Variants in TTC28 observed in about 807,000 individuals in gnomAD.
TTC28 encodes tetratricopeptide repeat protein 28.
Under a neutral mutation model 198.0 loss-of-function variants are expected in TTC28, and 61 were observed. The observed-to-expected ratio is 0.31, with a 90% CI of 0.25 to 0.38. TTC28 has a LOEUF of 0.38. Among genes scored for constraint, TTC28 ranks in the 10% least tolerant of loss-of-function variants. The probability of loss-of-function intolerance (pLI) is 1.00; values close to 1 mark genes in which losing one functional copy is unlikely to be tolerated. For synonymous variants in TTC28, 1,171 were observed against 1,297.8 expected (o/e 0.90, Z 2.10); for missense variants, 2,678 against 3,164.0 (o/e 0.85, Z 3.69).
chr22:28,373,677 T>C (rs879703140), intron 2 of TTC28, among the ~76,000 whole-genome samples: 1 of 152,162 alleles, frequency 6.6e-6, no homozygotes, highest in Non-Finnish European at 1.5e-5. Flanking sequence ...ATAAGAATAC[T>C]ACAAAATAAC....
At chr22:28,333,450 A>G (rs777829582) in intron 2 of TTC28, among the ~76,000 whole-genome samples, 10 of 152,152 alleles carry the variant, frequency 6.6e-5, no homozygotes, top group Non-Finnish European at 1.3e-4. Flanking sequence ...ATTCAGCTAT[A>G]TATCTCACAT....
chr22:28,611,780 T>C (rs1008122492), intron 2 of TTC28, among the ~76,000 whole-genome samples: 3 of 151,318 alleles, frequency 2.0e-5, no homozygotes, highest in African/African-American at 7.3e-5. Context: ...GTTCTTGCGA[T>C]AGTTTACTGA....
At chr22:28,022,559 G>A (rs1938653385) in intron 13 of TTC28, among the ~76,000 whole-genome samples, 1 of 152,214 alleles carries the variant, frequency 6.6e-6, no homozygotes, top group Non-Finnish European at 1.5e-5. Flanking sequence ...GCAGCTTCCT[G>A]CCTCACAGGC....
intron 2 of TTC28, among the ~76,000 whole-genome samples, chr22:28,342,144 C>T (rs2045842191): frequency 6.6e-6 from 1 of 152,150 alleles, no homozygotes; most frequent in Admixed American, 6.6e-5. Flanking sequence ...CTAATTGATA[C>T]ATGTGGTCTG....
At chr22:28,338,066 T>C (rs2045762801) in intron 2 of TTC28, among the ~76,000 whole-genome samples, 1 of 152,162 alleles carries the variant, frequency 6.6e-6, no homozygotes, top group South Asian at 2.1e-4. Context: ...CATTTGCTTG[T>C]CTGTAAAGGA....
chr22:28,280,978 C>G (rs2044572621), intron 5 of TTC28, among the ~76,000 whole-genome samples: 1 of 151,902 alleles, frequency 6.6e-6, no homozygotes, highest in South Asian at 2.1e-4. Flanking sequence ...TATTATTGCT[C>G]CCCCTCTATC....
At chr22:27,995,824 C>T (rs1242285975) in intron 17 of TTC28, among the ~76,000 whole-genome samples, 1 of 152,176 alleles carries the variant, frequency 6.6e-6, no homozygotes, top group Non-Finnish European at 1.5e-5. Flanking sequence ...CTGGCGAGTA[C>T]TGCTACAGCC....
chr22:28,132,033 T>G (rs1289715525), intron 6 of TTC28, among the ~76,000 whole-genome samples: 1 of 152,172 alleles, frequency 6.6e-6, no homozygotes, highest in East Asian at 1.9e-4. Context: ...ACCATTGGTG[T>G]TGTGATACCT....
At chr22:28,600,479 T>C (rs1003637224) in intron 2 of TTC28, among the ~76,000 whole-genome samples, 18 of 152,166 alleles carry the variant, frequency 1.2e-4, no homozygotes, top group Non-Finnish European at 2.6e-4. Flanking sequence ...CAAAAATTGA[T>C]ATAGAGCATG....
At chr22:28,309,865 T>C (rs775584767) in intron 2 of TTC28, among the ~76,000 whole-genome samples, 17 of 152,124 alleles carry the variant, frequency 1.1e-4, no homozygotes, top group African/African-American at 1.7e-4. Flanking sequence ...ACAATGATTT[T>C]AGGCTGAAGC....
chr22:28,423,907 T>G (rs1267947143), intron 2 of TTC28, among the ~76,000 whole-genome samples: 1 of 152,234 alleles, frequency 6.6e-6, no homozygotes, highest in Non-Finnish European at 1.5e-5. Context: ...TAGAGCAATT[T>G]AAATCTTGAA....
At position 28,107,798 on chromosome 22, in the gene TTC28, C is replaced by T. The variant is rs1324339035; in HGVS notation, c.2047G>A (p.Ala683Thr). 1.3e-6 allele frequency: 2 copies of T among 1,551,942 alleles called. No individual in the cohort carries two copies. Among genetic ancestry groups the T allele is most frequent in the Non-Finnish European group, 1.7e-6 (2 of 1,147,076 alleles). ...QAKAYCNLGLAFKALLNFSKA... is the reference protein window; with the variant it reads ...QAKAYCNLGLTFKALLNFSKA... The stretch of plus-strand genomic sequence containing the variant: ...CTGAAATTCAGCAGAGCCTTGAATG[C>T]TAGGCCCAAGTTGCAGTAGGCTTTT... The change falls in exon 7 of 23, where the codon GCA (alanine) becomes ACA (threonine). Residue 683 changes from alanine (A) to threonine (T), a missense_variant. Ala to Thr is a moderately conservative substitution (Grantham distance 58, BLOSUM62 0). Around this residue, in one of 8 missense-constraint regions of TTC28, gnomAD observed 775 missense variants for 845.9 expected, o/e 0.92. Coordinates refer to ENST00000397906, the MANE Select transcript of TTC28 (RefSeq NM_001145418.2).
intron 2 of TTC28, among the ~76,000 whole-genome samples, chr22:28,386,307 G>A (rs929244139): frequency 0.048 from 3,182 of 66,922 alleles, no homozygotes; most frequent in East Asian, 0.11. Context: ...AAAAAAAAAA[G>A]AAGGCTTCAC....
chr22:28,449,278 G>A (rs2047743779), intron 2 of TTC28, among the ~76,000 whole-genome samples: 1 of 152,158 alleles, frequency 6.6e-6, no homozygotes, highest in African/African-American at 2.4e-5. Flanking sequence ...CCAAATCATG[G>A]AGGTATAAAA....
chr22:28,305,579 G>A (rs1295658544), intron 3 of TTC28, among the ~76,000 whole-genome samples: 1 of 152,090 alleles, frequency 6.6e-6, no homozygotes, highest in Non-Finnish European at 1.5e-5. Flanking sequence ...GTTGAATGAT[G>A]CTGCCATCAA....
At chr22:28,643,657 T>C (rs2051405814) in intron 1 of TTC28, among the ~76,000 whole-genome samples, 1 of 152,206 alleles carries the variant, frequency 6.6e-6, no homozygotes, top group African/African-American at 2.4e-5. Flanking sequence ...TTTTAGCTGA[T>C]TCTAGGTCAA....
chr22:28,660,141 T>C (rs2145693484), intron 1 of TTC28, among the ~76,000 whole-genome samples: 1 of 152,304 alleles, frequency 6.6e-6, no homozygotes, highest in Admixed American at 6.5e-5. Flanking sequence ...CAGGAAATTA[T>C]ATCTTTATTT....
At chr22:28,460,122 T>C (rs1459017370) in intron 2 of TTC28, among the ~76,000 whole-genome samples, 1 of 152,192 alleles carries the variant, frequency 6.6e-6, no homozygotes, top group Non-Finnish European at 1.5e-5. Context: ...CTATCTAGTT[T>C]TATCTAGGAG....
At chr22:28,232,686 A>T (rs1005665030) in intron 5 of TTC28, 1 of 152,248 alleles carries the variant, frequency 6.6e-6, no homozygotes, top group Non-Finnish European at 1.5e-5. Flanking sequence ...CTCAAGACAG[A>T]ACAGATGGAT....
Sources: allele counts gnomAD v4.1 joint callset (sites outside exome capture counted in the v4.1 genomes callset), GRCh38; gene constraint gnomAD v4.1.1; regional missense constraint gnomAD v4.1.1; transcripts MANE v1.5; gene names NCBI Gene and HGNC (gene_info 2026-07-23, HGNC 2026-07-21).